PLCB4: variants seen among roughly 807,000 people sequenced by gnomAD.
The protein encoded by PLCB4 is phospholipase C beta 4.
In PLCB4, 77 loss-of-function variants were observed where a neutral mutation model predicts 178.8. The observed-to-expected ratio is 0.43, with a 90% CI of 0.36 to 0.52. PLCB4 has a LOEUF of 0.52. Ranked by LOEUF, PLCB4 falls within the 20% of genes least tolerant of loss-of-function variation. PLCB4 has a pLI of 0.00. For missense variants in PLCB4, 1,024 were observed against 1,453.4 expected, an observed-to-expected ratio of 0.70 and a Z score of 4.80; for synonymous variants, 496 against 490.8, an observed-to-expected ratio of 1.01 and a Z score of -0.14.
intron 2 of PLCB4, among the ~76,000 whole-genome samples, chr20:9,161,592 A>G (rs946250997): frequency 2.0e-5 from 3 of 152,238 alleles, no homozygotes; most frequent in Non-Finnish European, 4.4e-5. Context: ...GCCAGTGCAC[A>G]AATCATGTTC....
intron 2 of PLCB4, among the ~76,000 whole-genome samples, chr20:9,142,180 T>C (rs563253357): frequency 3.7e-4 from 57 of 152,210 alleles, no homozygotes; most frequent in Non-Finnish European, 7.4e-4. Flanking sequence ...GGAGATGTTG[T>C]GGTCAGCACC....
intron 2 of PLCB4, among the ~76,000 whole-genome samples, chr20:9,121,316 C>T (rs1221566061): frequency 1.3e-5 from 2 of 152,132 alleles, no homozygotes; most frequent in East Asian, 1.9e-4. Context: ...CCATCACCCA[C>T]AATGACCAGA....
intron 2 of PLCB4, among the ~76,000 whole-genome samples, chr20:9,127,872 A>T (rs892663912): frequency 4.6e-5 from 7 of 152,056 alleles, no homozygotes; most frequent in African/African-American, 1.7e-4. Flanking sequence ...TTTTTAGTAG[A>T]GACGGGGTTT....
At chr20:9,434,534 C>T (rs2041640917) in intron 28 of PLCB4, among the ~76,000 whole-genome samples, 1 of 152,108 alleles carries the variant, frequency 6.6e-6, no homozygotes, top group African/African-American at 2.4e-5. Flanking sequence ...CGCCACCAAG[C>T]CCAGCTAATT....
chr20:9,180,070 G>C (rs1198736740), intron 2 of PLCB4, among the ~76,000 whole-genome samples: 2 of 151,752 alleles, frequency 1.3e-5, no homozygotes, highest in Non-Finnish European at 2.9e-5. Context: ...CTAAATGCTA[G>C]ACATAAATCA....
At chr20:9,441,796 T>C (rs2042120770) in intron 30 of PLCB4, among the ~76,000 whole-genome samples, 1 of 152,134 alleles carries the variant, frequency 6.6e-6, no homozygotes, top group African/African-American at 2.4e-5. Context: ...GGGCATAGTG[T>C]GTGGCTGGAG....
chr20:9,392,927 T>G (rs2038264959), intron 17 of PLCB4, among the ~76,000 whole-genome samples: 1 of 151,190 alleles, frequency 6.6e-6, no homozygotes, highest in African/African-American at 2.4e-5. Context: ...TATAGAGAGA[T>G]GGGTGGAGGA....
chr20:9,169,531 G>C (rs886736921), intron 2 of PLCB4, among the ~76,000 whole-genome samples: 1 of 151,816 alleles, frequency 6.6e-6, no homozygotes, highest in South Asian at 2.1e-4. Flanking sequence ...AGAGGTTGCA[G>C]TAAGCTGAGA....
At chr20:9,175,490 AG>A (rs1184607771) in intron 2 of PLCB4, among the ~76,000 whole-genome samples, 1 of 152,202 alleles carries the variant, frequency 6.6e-6, no homozygotes, top group Non-Finnish European at 1.5e-5. Flanking sequence ...GATTGGCATC[AG>A]GAAGAAATAG....
chr20:9,153,504 AG>A (rs1355691729), intron 2 of PLCB4, among the ~76,000 whole-genome samples: 1 of 152,152 alleles, frequency 6.6e-6, no homozygotes, highest in African/African-American at 2.4e-5. Flanking sequence ...CTGCCATGTA[AG>A]AAGTGCCTTT....
chr20:9,330,215 G>T (rs1362663131), intron 4 of PLCB4, among the ~76,000 whole-genome samples: 2 of 152,094 alleles, frequency 1.3e-5, no homozygotes, highest in East Asian at 3.9e-4. Context: ...TTCCCAGTCT[G>T]AAGGCCACAC....
At chr20:9,116,604 A>ATG (rs2091788066) in intron 2 of PLCB4, among the ~76,000 whole-genome samples, 1 of 152,092 alleles carries the variant, frequency 6.6e-6, no homozygotes, top group African/African-American at 2.4e-5. Flanking sequence ...GCCTTCCCTA[A>ATG]TCTCAGCCAT....
chr20:9,182,402 G>A (rs2093261697), intron 2 of PLCB4, among the ~76,000 whole-genome samples: 1 of 152,174 alleles, frequency 6.6e-6, no homozygotes, highest in Non-Finnish European at 1.5e-5. Flanking sequence ...TCTACGGGAG[G>A]CATGTTCTTC....
chr20:9,463,239 C>T (rs8119568), intron 35 of PLCB4, among the ~76,000 whole-genome samples: 6,904 of 152,146 alleles, frequency 0.045, 514 homozygotes, highest in African/African-American at 0.16. Context: ...CACCGCCAGG[C>T]CTGCCTTATA....
intron 35 of PLCB4, 89 bp from the exon 36 acceptor site, chr20:9,468,482 T>C: frequency 3.8e-6 from 3 of 789,978 alleles, no homozygotes; most frequent in South Asian, 1.5e-5. Context: ...TCTAGAACTT[T>C]CTCATTTTCC....
intron 7 of PLCB4, among the ~76,000 whole-genome samples, chr20:9,347,120 C>G (rs2033875447): frequency 1.3e-5 from 2 of 152,054 alleles, no homozygotes; most frequent in Non-Finnish European, 2.9e-5. Context: ...CCTGTGGGAG[C>G]CAGGGAAATG....
At chr20:9,343,553 C>G (rs2033468997) in intron 7 of PLCB4, among the ~76,000 whole-genome samples, 1 of 152,116 alleles carries the variant, frequency 6.6e-6, no homozygotes, top group African/African-American at 2.4e-5. Context: ...GTGCTTTTTT[C>G]AGTAAAAGAT....
At chr20:9,270,521 G>T (rs1427529307) in intron 3 of PLCB4, among the ~76,000 whole-genome samples, 1 of 152,078 alleles carries the variant, frequency 6.6e-6, no homozygotes. Flanking sequence ...TTTTATTGCT[G>T]ATCAGTATTC....
chr20:9,291,658 T>A (rs1359943528), intron 3 of PLCB4, among the ~76,000 whole-genome samples: 1 of 152,188 alleles, frequency 6.6e-6, no homozygotes, highest in African/African-American at 2.4e-5. Flanking sequence ...ATCTCTGTAC[T>A]TACTTTAAGC....
Sources: gnomAD v4.1 joint callset for allele counts (sites outside exome capture counted in the v4.1 genomes callset) on GRCh38, gnomAD v4.1.1 for gene constraint, MANE v1.5 for transcripts, NCBI Gene and HGNC (gene_info 2026-07-23, HGNC 2026-07-21) for gene names.